CNTN3: variants seen among roughly 807,000 people sequenced by gnomAD.
CNTN3 encodes the protein contactin-3.
Under a neutral mutation model 119.1 loss-of-function variants are expected in CNTN3, and 60 were observed. The observed-to-expected ratio is 0.50, with a 90% confidence interval of 0.41 to 0.62. CNTN3 has a LOEUF of 0.62. Among genes scored for constraint, CNTN3 ranks in the 20% least tolerant of loss-of-function variants. The pLI, the probability that CNTN3 is intolerant of heterozygous loss-of-function variation, is 0.00. For missense variants in CNTN3, 1,101 were observed against 1,242.4 expected (o/e 0.89, Z 1.71); for synonymous variants, 450 against 438.7 (o/e 1.03, Z -0.32).
rs1354221396 is a variant in CNTN3, at chr3:74,451,683, A to G, written c.359-26743T>C. ...TAAGTCTTTAATCCATCTTGAATTGATTTTTGTATAAGGTGTAAGGAAGGG... is the reference window on the plus strand; with the variant it reads ...TAAGTCTTTAATCCATCTTGAATTGGTTTTTGTATAAGGTGTAAGGAAGGG... On this transcript the variant is annotated intron_variant, in intron 4 of 22. Coordinates refer to ENST00000263665, the MANE Select transcript of CNTN3 (RefSeq NM_020872.3). 2.0e-5 allele frequency among the ~76,000 whole-genome samples: 3 copies of G among 151,288 alleles called. No individual in the cohort carries two copies. In the East Asian group the frequency reaches 5.8e-4, roughly 29 times the overall value.
rs773421427 is a variant in CNTN3 at position 74,264,295 on chromosome 3, G to A, written c.*106C>T. 5 of 466,656 alleles carry A rather than the reference G, an allele frequency of 1.1e-5. No homozygotes were observed. The highest frequency in any genetic ancestry group is 1.5e-5 in the Non-Finnish European group (4 of 265,176). 28.9% of individuals were successfully genotyped at this position (466,656 alleles called of 1,614,324 possible). ...ATATTTACCTATAATGAAGTAGAAAGTTAAAAATAAGAGTTGAAAAAAACA... is the reference window on the plus strand; with the variant it reads ...ATATTTACCTATAATGAAGTAGAAAATTAAAAATAAGAGTTGAAAAAAACA... On this transcript the variant is annotated 3_prime_UTR_variant, in exon 23 of 23. Transcript: ENST00000263665.
intron 13 of CNTN3, among the ~76,000 whole-genome samples, chr3:74,326,210 ACTT>A (rs1417071415): frequency 6.6e-6 from 1 of 152,078 alleles, no homozygotes; most frequent in African/African-American, 2.4e-5. Flanking sequence ...GGCCTCACAC[ACTT>A]CTTGTACAAA....
At chr3:74,595,800 C>T (rs963005424) in intron 1 of CNTN3, among the ~76,000 whole-genome samples, 1 of 152,146 alleles carries the variant, frequency 6.6e-6, no homozygotes, top group Non-Finnish European at 1.5e-5. Context: ...TGCCCTCTCT[C>T]ACCACTCCTA....
At chr3:74,596,418 G>T (rs560274654) in intron 1 of CNTN3, among the ~76,000 whole-genome samples, 5 of 152,040 alleles carry the variant, frequency 3.3e-5, no homozygotes, top group East Asian at 3.9e-4. Context: ...GAGGCCTCAC[G>T]CTACCTGACT....
chr3:74,409,706 G>A (rs1701406565), intron 5 of CNTN3, among the ~76,000 whole-genome samples: 1 of 152,100 alleles, frequency 6.6e-6, no homozygotes, highest in African/African-American at 2.4e-5. Flanking sequence ...CTTCAACTGA[G>A]ACTCACAGGT....
At chr3:74,521,013 G>T in intron 2 of CNTN3, 45 bp downstream of exon 2, 3 of 1,194,440 alleles carry the variant, frequency 2.5e-6, no homozygotes. Context: ...TATGACTCGA[G>T]TATACTTCTA....
chr3:74,451,135 G>A (rs547570496), intron 4 of CNTN3, among the ~76,000 whole-genome samples: 185 of 152,178 alleles, frequency 1.2e-3, no homozygotes, highest in African/African-American at 4.3e-3. Flanking sequence ...CACCAACAGT[G>A]TCAAAGTGTT....
intron 5 of CNTN3, among the ~76,000 whole-genome samples, chr3:74,395,599 G>A (rs1285775672): frequency 6.6e-6 from 1 of 152,192 alleles, no homozygotes; most frequent in African/African-American, 2.4e-5. Context: ...CTGAGCCTGA[G>A]TTTTCTTATC....
chr3:74,528,635 T>C (rs762972508), intron 1 of CNTN3, among the ~76,000 whole-genome samples: 1 of 151,836 alleles, frequency 6.6e-6, no homozygotes, highest in Non-Finnish European at 1.5e-5. Flanking sequence ...GAAATAAAGA[T>C]AGAAACTGTG....
intron 19 of CNTN3, among the ~76,000 whole-genome samples, chr3:74,288,015 G>A (rs552864446): frequency 5.3e-4 from 80 of 152,098 alleles, no homozygotes; most frequent in Non-Finnish European, 9.6e-4. Flanking sequence ...TTTCCCATGT[G>A]CATTCAACTT....
intron 19 of CNTN3, among the ~76,000 whole-genome samples, chr3:74,285,790 GATATATATATATAT>G (rs71129738): frequency 0.013 from 726 of 56,526 alleles, 18 homozygotes; most frequent in South Asian, 0.059. Context: ...ATGAAGGGGA[GATATATATATATAT>G]ATATATATAT....
intron 13 of CNTN3, among the ~76,000 whole-genome samples, chr3:74,311,275 G>A (rs943496385): frequency 3.9e-5 from 6 of 152,064 alleles, no homozygotes; most frequent in Admixed American, 2.0e-4. Flanking sequence ...CTTCAGAAGT[G>A]TGAATTTTTC....
chr3:74,562,191 C>G (rs1029165898), intron 1 of CNTN3, among the ~76,000 whole-genome samples: 1 of 152,108 alleles, frequency 6.6e-6, no homozygotes, highest in Non-Finnish European at 1.5e-5. Context: ...GTGAAAAAAA[C>G]TGTTAACATG....
At chr3:74,583,556 A>C (rs1704548309) in intron 1 of CNTN3, among the ~76,000 whole-genome samples, 1 of 152,116 alleles carries the variant, frequency 6.6e-6, no homozygotes, top group Admixed American at 6.5e-5. Flanking sequence ...GACTCGGAGG[A>C]CGTGGGGAAC....
intron 1 of CNTN3, among the ~76,000 whole-genome samples, chr3:74,594,079 A>G (rs1704748608): frequency 6.6e-6 from 1 of 151,760 alleles, no homozygotes; most frequent in Non-Finnish European, 1.5e-5. Context: ...CCAGTAAGAG[A>G]TGGGGATGCG....
In CNTN3 at chr3:74,445,273, T is replaced by G. The variant is rs7433384; in HGVS notation, c.359-20333A>C. On this transcript the variant is annotated intron_variant, in intron 4 of 22. Coordinates refer to ENST00000263665, the MANE Select transcript of CNTN3 (RefSeq NM_020872.3). Reference sequence around the variant, plus strand: ...TTTTGTTTTGATTTTTTGTTTTTGGTTTTTTTTTAGACAGGGTCTCCCTCT... The same window carrying G: ...TTTTGTTTTGATTTTTTGTTTTTGGGTTTTTTTTAGACAGGGTCTCCCTCT... Among the ~76,000 whole-genome samples, 1,442 of 151,510 alleles carry G rather than the reference T, an allele frequency of 9.5e-3. 19 individuals carry two copies. Among genetic ancestry groups the G allele is most frequent in the African/African-American group, 0.031 (1,294 of 41,298 alleles).
intron 5 of CNTN3, among the ~76,000 whole-genome samples, chr3:74,398,884 CTG>C (rs1195007206): frequency 6.6e-6 from 1 of 152,106 alleles, no homozygotes; most frequent in Non-Finnish European, 1.5e-5. Flanking sequence ...TTAAGAAAAA[CTG>C]TTTAATTGAC....
intron 13 of CNTN3, among the ~76,000 whole-genome samples, chr3:74,320,238 A>C (rs1575723689): frequency 6.6e-6 from 1 of 152,308 alleles, no homozygotes; most frequent in African/African-American, 2.4e-5. Context: ...TTGCAGCACT[A>C]TTCACAATAG....
intron 1 of CNTN3, among the ~76,000 whole-genome samples, chr3:74,541,859 C>G (rs1350122083): frequency 1.3e-5 from 2 of 152,132 alleles, no homozygotes; most frequent in Non-Finnish European, 2.9e-5. Context: ...AGGTAGAATA[C>G]AATGGAAAAT....
Sources: allele counts gnomAD v4.1 joint callset (sites outside exome capture counted in the v4.1 genomes callset), GRCh38; gene constraint gnomAD v4.1.1; transcripts MANE v1.5; gene names NCBI Gene and HGNC (gene_info 2026-07-23, HGNC 2026-07-21).